The following TBC1D8 variants were observed in gnomAD, a reference collection of about 807,000 sequenced individuals.
TBC1D8 encodes the protein BUB2-like protein 1.
TBC1D8 carries 65 observed loss-of-function variants against 118.8 expected under a neutral mutation model. The observed-to-expected ratio is 0.55, with a 90% CI of 0.45 to 0.67. The LOEUF (loss-of-function observed/expected upper bound fraction) is 0.67. Ranked by LOEUF, TBC1D8 falls within the 30% of genes least tolerant of loss-of-function variation. The probability of loss-of-function intolerance (pLI) is 0.00; values close to 1 mark genes in which losing one functional copy is unlikely to be tolerated. For synonymous variants in TBC1D8, 566 were observed against 595.8 expected (o/e 0.95, Z 0.73); for missense variants, 1,376 against 1,471.2 (o/e 0.94, Z 1.06).
chr2:101,139,479 C>A (rs1679006806), intron 1 of TBC1D8, among the ~76,000 whole-genome samples: 1 of 152,110 alleles, frequency 6.6e-6, no homozygotes, highest in African/African-American at 2.4e-5. Flanking sequence ...TCTTCCTAGC[C>A]TTTTCCATAC....
At chr2:101,032,168 G>A in intron 11 of TBC1D8, 100 bp downstream of exon 11, 3 of 1,080,486 alleles carry the variant, frequency 2.8e-6, no homozygotes, top group Non-Finnish European at 4.1e-6. Flanking sequence ...CTAGCTGAGT[G>A]GCACTGAGAG....
chr2:101,008,025 A>G lies in TBC1D8; in HGVS notation c.3264T>C (p.Phe1088=). ...TGKTPQDSQA[F]PEAAERDWTV... ...TCCAGTCCCTTTCTGCCGCCTCTGG[A>G]AATGCCTGGGAGTCCTGGGGCGTCT... The change falls in exon 20 of 20, where the codon TTT becomes TTC. Residue 1088 remains phenylalanine, a synonymous_variant. Coordinates refer to ENST00000409318, the MANE Select transcript of TBC1D8 (RefSeq NM_001330348.2). 1.9e-6 allele frequency: 3 copies of G among 1,613,974 alleles called. No individual in the cohort carries two copies. Among genetic ancestry groups the G allele is most frequent in the Non-Finnish European group, 2.5e-6 (3 of 1,179,886 alleles).
At chr2:101,011,944 A>G (rs1317768479) in intron 17 of TBC1D8, among the ~76,000 whole-genome samples, 1 of 152,220 alleles carries the variant, frequency 6.6e-6, no homozygotes, top group Non-Finnish European at 1.5e-5. Flanking sequence ...TAATGATGTT[A>G]AACTTTTCAG....
chr2:101,053,216 A>C (rs1228564197), intron 4 of TBC1D8, among the ~76,000 whole-genome samples: 1 of 152,242 alleles, frequency 6.6e-6, no homozygotes, highest in Admixed American at 6.5e-5. Flanking sequence ...AAAGGAAAGA[A>C]AGCCAGGTGT....
chr2:101,073,294 TTATTTA>T (rs1674585905), intron 2 of TBC1D8, among the ~76,000 whole-genome samples: 1 of 132,580 alleles, frequency 7.5e-6, no homozygotes, highest in Non-Finnish European at 1.6e-5. Context: ...TTATTTTATT[TTATTTA>T]TTTTTTTTTT....
chr2:101,045,827 C>G (rs1329099706), intron 5 of TBC1D8, among the ~76,000 whole-genome samples: 1 of 152,106 alleles, frequency 6.6e-6, no homozygotes, highest in Non-Finnish European at 1.5e-5. Context: ...AACCCCATCT[C>G]TACTAAAAAT....
In TBC1D8 at chr2:101,041,068, T is replaced by C. The variant is rs374803359; in HGVS notation, c.873-683A>G. On this transcript the variant is annotated intron_variant, in intron 5 of 19. Transcript: ENST00000409318. ...AAGTGGTGAGGAGGATGTGGGGAAA[T>C]TGGAACCCTACCGCACTGCTGATGG... is the stretch of plus-strand genomic sequence containing the variant. 6.1e-4 allele frequency among the ~76,000 whole-genome samples: 93 copies of C among 152,270 alleles called. 1 individual carries two copies. Among genetic ancestry groups the C allele is most frequent in the African/African-American group, 1.9e-3 (81 of 41,544 alleles).
chr2:101,055,473 A>G (rs1461711595), intron 3 of TBC1D8, among the ~76,000 whole-genome samples: 1 of 152,134 alleles, frequency 6.6e-6, no homozygotes, highest in Admixed American at 6.6e-5. Flanking sequence ...TACCTGCCTG[A>G]CTGTGTGGCT....
intron 1 of TBC1D8, among the ~76,000 whole-genome samples, chr2:101,136,414 G>A (rs1044756218): frequency 3.9e-5 from 6 of 152,120 alleles, no homozygotes; most frequent in South Asian, 2.1e-4. Flanking sequence ...AGAAGCAGAC[G>A]CCAGGACCAT....
intron 1 of TBC1D8, among the ~76,000 whole-genome samples, chr2:101,143,885 G>T (rs1679218050): frequency 6.6e-6 from 1 of 152,214 alleles, no homozygotes; most frequent in African/African-American, 2.4e-5. Flanking sequence ...TAACAGCTGG[G>T]CTGGTTCAGC....
intron 5 of TBC1D8, among the ~76,000 whole-genome samples, chr2:101,049,538 C>A (rs925584254): frequency 5.3e-5 from 8 of 151,916 alleles, no homozygotes; most frequent in South Asian, 2.1e-4. Flanking sequence ...ACCAGCCTGG[C>A]CAACATGGTT....
At chr2:101,072,196 C>G (rs1468804651) in intron 2 of TBC1D8, among the ~76,000 whole-genome samples, 1 of 152,148 alleles carries the variant, frequency 6.6e-6, no homozygotes, top group Admixed American at 6.5e-5. Flanking sequence ...AAAGGAATAC[C>G]TGAGGCTGGG....
intron 17 of TBC1D8, chr2:101,019,171 C>A: frequency 7.9e-7 from 1 of 1,264,528 alleles, no homozygotes; most frequent in Non-Finnish European, 1.1e-6. Flanking sequence ...GAGGGCCAGG[C>A]CTGTTCTACA....
At chr2:101,035,267 C>T (rs534874857) in intron 9 of TBC1D8, among the ~76,000 whole-genome samples, 12 of 152,256 alleles carry the variant, frequency 7.9e-5, no homozygotes, top group Non-Finnish European at 1.5e-4. Flanking sequence ...AGGCACACTC[C>T]AATGGCAGGG....
At chr2:101,134,435 G>A (rs563548793) in intron 1 of TBC1D8, among the ~76,000 whole-genome samples, 1 of 152,250 alleles carries the variant, frequency 6.6e-6, no homozygotes, top group Non-Finnish European at 1.5e-5. Flanking sequence ...TCTTAGCTCA[G>A]GCTGCTATAA....
chr2:101,112,560 C>G (rs1220360352), intron 1 of TBC1D8, among the ~76,000 whole-genome samples: 6 of 152,174 alleles, frequency 3.9e-5, no homozygotes, highest in Non-Finnish European at 5.9e-5. Context: ...ACTGGAACAG[C>G]CTGGTCCACC....
At chr2:101,146,910 T>C (rs1679340067) in intron 1 of TBC1D8, among the ~76,000 whole-genome samples, 1 of 152,236 alleles carries the variant, frequency 6.6e-6, no homozygotes, top group South Asian at 2.1e-4. Context: ...TCTGCTTTTA[T>C]AATACCAACT....
At chr2:101,025,160 A>G (rs1017791163) in intron 15 of TBC1D8, among the ~76,000 whole-genome samples, 1 of 152,156 alleles carries the variant, frequency 6.6e-6, no homozygotes, top group Non-Finnish European at 1.5e-5. Context: ...AGATACGCAC[A>G]TTGTTAACCG....
chr2:101,062,429 G>A (rs1047714950), intron 2 of TBC1D8, among the ~76,000 whole-genome samples: 2 of 152,174 alleles, frequency 1.3e-5, no homozygotes, highest in South Asian at 2.1e-4. Context: ...TTGCAGGAAC[G>A]AAGAAGAACT....
Sources: gnomAD v4.1 joint callset for allele counts (sites outside exome capture counted in the v4.1 genomes callset) on GRCh38, gnomAD v4.1.1 for gene constraint, MANE v1.5 for transcripts, NCBI Gene and HGNC (gene_info 2026-07-23, HGNC 2026-07-21) for gene names.